Variants in FKBP1B observed in about 807,000 individuals in gnomAD.
FKBP1B encodes peptidyl-prolyl cis-trans isomerase FKBP1B.
In FKBP1B, 4 loss-of-function variants were observed where a neutral mutation model predicts 13.5. The observed-to-expected ratio is 0.30, with a 90% CI of 0.15 to 0.68. The LOEUF (loss-of-function observed/expected upper bound fraction) is 0.68. FKBP1B is among the 30% of genes least tolerant of loss of function. The pLI is 0.76. For synonymous variants in FKBP1B, 54 were observed against 53.6 expected (o/e 1.01, Z -0.03); for missense variants, 93 against 136.2 (o/e 0.68, Z 1.58).
At chr2:24,056,429 C>T (rs575108869) in intron 2 of FKBP1B, among the ~76,000 whole-genome samples, 5 of 146,496 alleles carry the variant, frequency 3.4e-5, no homozygotes, top group Admixed American at 2.7e-4. Flanking sequence ...ACTGCAACCC[C>T]GCCTCCTGGG....
At chr2:24,052,954 C>T (rs1343865312) in intron 1 of FKBP1B, among the ~76,000 whole-genome samples, 2 of 151,824 alleles carry the variant, frequency 1.3e-5, no homozygotes, top group East Asian at 3.9e-4. Flanking sequence ...GCCTGGGTGA[C>T]ACACTGAGAC....
intron 3 of FKBP1B, among the ~76,000 whole-genome samples, chr2:24,061,870 G>A (rs1398008082): frequency 2.7e-5 from 4 of 149,222 alleles, no homozygotes; most frequent in African/African-American, 9.8e-5. Context: ...GATAGGTCTT[G>A]TTTTTGGTGT....
At chr2:24,044,665 A>G in the FKBP1B span, among the ~76,000 whole-genome samples, 1 of 152,266 alleles carries the variant, frequency 6.6e-6, no homozygotes, top group South Asian at 2.1e-4. Context: ...TGATAATTAC[A>G]AAAATCTGCT....
At chr2:24,034,313 T>G in the FKBP1B span, among the ~76,000 whole-genome samples, 1 of 151,938 alleles carries the variant, frequency 6.6e-6, no homozygotes, top group African/African-American at 2.4e-5. Flanking sequence ...CCCAACTACC[T>G]GGGTGGCTGA....
the FKBP1B span, chr2:24,037,812 CA>C: frequency 6.2e-7 from 1 of 1,614,156 alleles, no homozygotes; most frequent in South Asian, 1.1e-5. Flanking sequence ...ATAAAATTTC[CA>C]CTTCCTTAGA....
chr2:24,050,520 C>T lies in FKBP1B; in HGVS notation c.37+634C>T, dbSNP rs1383467768. Among the ~76,000 whole-genome samples the T allele has an allele frequency of 2.6e-5, 4 of 152,152 alleles. No individual in the cohort carries two copies. In the East Asian group the frequency reaches 7.7e-4, roughly 29 times the overall value. On this transcript the variant is annotated intron_variant, in intron 1 of 3. Transcript: ENST00000380986. The surrounding 1 kb of genome is among the most constrained non-coding windows in gnomAD (Gnocchi z 5.8). Reference sequence around the variant, plus strand: ...CTTCTAAGCCCAGCCCTGCGACCTACGGCCGAACCTCTCCCTGGACGTCCC... The same window carrying T: ...CTTCTAAGCCCAGCCCTGCGACCTATGGCCGAACCTCTCCCTGGACGTCCC...
intron 2 of FKBP1B, chr2:24,054,342 G>A (rs1664024730): frequency 6.1e-6 from 2 of 329,010 alleles, no homozygotes. Context: ...AAGAAGAGGA[G>A]GGGAGAGGAC....
In FKBP1B at chr2:24,050,013, C is replaced by T. The variant is rs1269959185; in HGVS notation, c.37+127C>T. The T allele has an allele frequency of 9.7e-6, 6 of 621,344 alleles. No homozygotes were observed. The highest frequency in any genetic ancestry group is 1.4e-5 in the Non-Finnish European group (6 of 424,068). 38.5% of individuals were successfully genotyped at this position (621,344 alleles called of 1,614,324 possible). On this transcript the variant is annotated intron_variant, in intron 1 of 3. Coordinates refer to ENST00000380986, the MANE Select transcript of FKBP1B (RefSeq NM_004116.5). The surrounding 1 kb of genome is among the most constrained non-coding windows in gnomAD (Gnocchi z 5.8). ...CGGGGGGCTGGATGGGGAAGGCAGG[C>T]GGAGACGCCGGACGGGATTCTTGGG...
chr2:24,037,617 A>G, the FKBP1B span: 1 of 1,487,666 alleles, frequency 6.7e-7, no homozygotes, highest in Non-Finnish European at 9.0e-7. Context: ...CGTTTCTTGC[A>G]GTACTCACCG....
Position 24,062,945 on chromosome 2 carries a change from A to C in FKBP1B, c.199-119A>C, listed in dbSNP as rs796691432. On this transcript the variant is annotated intron_variant, in intron 3 of 3. Transcript: ENST00000380986. ...ATGTATCCCATGTAAAATTCATCTGAGATCTTCAGAGTTAACATTGAGGAT... is the reference window on the plus strand; with the variant it reads ...ATGTATCCCATGTAAAATTCATCTGCGATCTTCAGAGTTAACATTGAGGAT... The C allele has an allele frequency of 6.3e-6, 9 of 1,439,374 alleles. 1 individual carries two copies. The African/African-American group carries it at 1.3e-4, about 20-fold the overall frequency. 89.2% of individuals were successfully genotyped at this position (1,439,374 alleles called of 1,614,324 possible).
At chr2:24,054,910 A>G (rs1330056352) in intron 2 of FKBP1B, among the ~76,000 whole-genome samples, 1 of 152,234 alleles carries the variant, frequency 6.6e-6, no homozygotes, top group Non-Finnish European at 1.5e-5. Context: ...TCCTTTCACA[A>G]TACATACATA....
Position 24,060,811 on chromosome 2 carries a change from C to T in FKBP1B, c.86-3C>T. 6.2e-7 allele frequency: 1 copy of T among 1,611,658 alleles called. No homozygotes were observed. Among genetic ancestry groups the T allele is most frequent in the Non-Finnish European group, 8.5e-7 (1 of 1,177,784 alleles). On this transcript the variant is annotated splice_polypyrimidine_tract_variant and splice_region_variant and intron_variant, in intron 2 of 3. Transcript: ENST00000380986. The stretch of plus-strand genomic sequence containing the variant: ...CTATTGCACCCGATTCTTGCTTTGA[C>T]AGGAATGCTCCAAAATGGGAAGAAG...
rs1030452126 is a variant in FKBP1B, at chr2:24,063,169, G to A, written c.304G>A (p.Val102Met). The A allele has an allele frequency of 3.7e-6, 6 of 1,605,376 alleles. No homozygotes were observed. The highest frequency in any genetic ancestry group is 2.2e-5 in the South Asian group (2 of 89,484). ...IPPNATLIFD[V>M]ELLNLE Reference sequence around the variant, plus strand: ...TCCCAATGCCACCCTCATCTTTGACGTGGAGCTGCTCAACTTAGAGTGAAG... The same window carrying A: ...TCCCAATGCCACCCTCATCTTTGACATGGAGCTGCTCAACTTAGAGTGAAG... The change falls in exon 4 of 4, where the codon GTG becomes ATG. Residue 102 changes from valine to methionine, a missense_variant. Physicochemically the swap from Val to Met is conservative, Grantham distance 21. Coordinates refer to ENST00000380986, the MANE Select transcript of FKBP1B (RefSeq NM_004116.5).
chr2:24,062,287 C>T (rs550932763), intron 3 of FKBP1B, among the ~76,000 whole-genome samples: 4 of 152,240 alleles, frequency 2.6e-5, no homozygotes, highest in Admixed American at 1.3e-4. Flanking sequence ...ATTTTCCTGC[C>T]CCAGCCTCCC....
chr2:24,052,933 G>A (rs1264420478), intron 1 of FKBP1B, among the ~76,000 whole-genome samples: 1 of 151,844 alleles, frequency 6.6e-6, no homozygotes, highest in Admixed American at 6.6e-5. Flanking sequence ...AGATCATGCT[G>A]TTGCACTCCA....
At chr2:24,044,278 G>C in the FKBP1B span, among the ~76,000 whole-genome samples, 4 of 151,700 alleles carry the variant, frequency 2.6e-5, no homozygotes, top group South Asian at 2.1e-4. Flanking sequence ...TTTTTTTTGG[G>C]GGGGGCGTGG....
At chr2:24,059,378 G>T (rs1344364716) in intron 2 of FKBP1B, among the ~76,000 whole-genome samples, 3 of 151,914 alleles carry the variant, frequency 2.0e-5, no homozygotes, top group Admixed American at 6.6e-5. Context: ...CACCTGGGGG[G>T]GGGTTCTGGT....
At chr2:24,059,080 C>A (rs1664262342) in intron 2 of FKBP1B, among the ~76,000 whole-genome samples, 1 of 152,158 alleles carries the variant, frequency 6.6e-6, no homozygotes, top group African/African-American at 2.4e-5. Context: ...AAGTGATTTG[C>A]CCAGTCTCAC....
At chr2:24,036,026 G>A in the FKBP1B span, among the ~76,000 whole-genome samples, 23 of 149,892 alleles carry the variant, frequency 1.5e-4, no homozygotes, top group East Asian at 5.9e-4. Flanking sequence ...CTGAGATCGC[G>A]CCACTGCACT....
Sources: allele counts gnomAD v4.1 joint callset (sites outside exome capture counted in the v4.1 genomes callset), GRCh38; gene constraint gnomAD v4.1.1; non-coding constraint Gnocchi (gnomAD v3.1); transcripts MANE v1.5; gene names NCBI Gene and HGNC (gene_info 2026-07-23, HGNC 2026-07-21).